Variants in LRP5 observed in about 807,000 individuals in gnomAD.
The protein encoded by LRP5 is LDL receptor related protein 5, also known as low-density lipoprotein receptor-related protein 5.
Under a neutral mutation model 154.1 loss-of-function variants are expected in LRP5, and 62 were observed. That is an observed-to-expected ratio of 0.40 (90% CI 0.33 to 0.50). The LOEUF is 0.50. Among genes scored for constraint, LRP5 ranks in the 20% least tolerant of loss-of-function variants. LRP5 has a pLI of 0.55. For synonymous variants in LRP5, 966 were observed against 1,011.5 expected, an observed-to-expected ratio of 0.96 and a Z score of 0.85; for missense variants, 1,915 against 2,336.7, an observed-to-expected ratio of 0.82 and a Z score of 3.72.
At chr11:68,328,347 A>C (rs558022437) in intron 1 of LRP5, among the ~76,000 whole-genome samples, 1 of 152,326 alleles carries the variant, frequency 6.6e-6, no homozygotes, top group South Asian at 2.1e-4. Context: ...TCAACACTTA[A>C]AGAAAATAAA....
In LRP5 at chr11:68,449,208, G is replaced by T. The variant is rs981993661; in HGVS notation, c.*138G>T. On this transcript the variant is annotated 3_prime_UTR_variant, in exon 23 of 23. Transcript: ENST00000294304. ...ACATGAGAAATGTGAACTGTGATGGGGTGGGCAGGGCTGGGAGAACTTTGT... is the reference window on the plus strand; with the variant it reads ...ACATGAGAAATGTGAACTGTGATGGTGTGGGCAGGGCTGGGAGAACTTTGT... The T allele has an allele frequency of 1.8e-6, 1 of 566,062 alleles. No individual in the cohort carries two copies. Among genetic ancestry groups the T allele is most frequent in the Non-Finnish European group, 2.8e-6 (1 of 353,034 alleles). 35.1% of individuals were successfully genotyped at this position (566,062 alleles called of 1,614,324 possible).
At chr11:68,422,710 G>A (rs915065349) in intron 13 of LRP5, among the ~76,000 whole-genome samples, 3 of 151,992 alleles carry the variant, frequency 2.0e-5, no homozygotes, top group East Asian at 3.9e-4. Context: ...CCCAAGAGGG[G>A]CTCTGAGTCA....
Position 68,409,925 on chromosome 11 carries a change from C to T in LRP5, c.2103C>T (p.Arg701=), listed in dbSNP as rs761184187. ...TCACCTGCTGCCAGACCATCAGCCG[C>T]GCCTTCATGAACGGGAGCTCGGTGG... ...WTDVSLKTIS[R]AFMNGSSVEH... is the part of the protein sequence containing the mutation. Residue 701 remains arginine, a synonymous_variant, in exon 10 of 23, where the codon CGC becomes CGT. Coordinates refer to ENST00000294304, the MANE Select transcript of LRP5 (RefSeq NM_002335.4). The T allele has an allele frequency of 2.7e-5, 44 of 1,613,474 alleles. No homozygotes were observed. Among genetic ancestry groups the T allele is most frequent in the South Asian group, 1.3e-4 (12 of 91,068 alleles).
chr11:68,350,996 A>G (rs901111960), intron 2 of LRP5, among the ~76,000 whole-genome samples: 3 of 151,814 alleles, frequency 2.0e-5, no homozygotes, highest in South Asian at 2.1e-4. Context: ...TTGTGTGTGT[A>G]TGAGTGTGCG....
At chr11:68,373,189 C>T (rs186997480) in intron 5 of LRP5, among the ~76,000 whole-genome samples, 2 of 152,334 alleles carry the variant, frequency 1.3e-5, no homozygotes, top group South Asian at 2.1e-4. Context: ...CATGGAGTTA[C>T]AGGCGAAGAC....
intron 12 of LRP5, among the ~76,000 whole-genome samples, chr11:68,414,341 T>C (rs2098661332): frequency 6.6e-6 from 1 of 152,204 alleles, no homozygotes. Context: ...AGCGCTCGTT[T>C]ACTCCTCAAG....
intron 18 of LRP5, among the ~76,000 whole-genome samples, chr11:68,434,321 C>G (rs920235193): frequency 3.3e-5 from 5 of 152,102 alleles, no homozygotes; most frequent in Admixed American, 2.0e-4. Flanking sequence ...CAGTGAAACA[C>G]ATCTCTTCTG....
At chr11:68,443,577 ATATATATATTTTTT>A (rs1369527781) in intron 21 of LRP5, among the ~76,000 whole-genome samples, 4 of 42,022 alleles carry the variant, frequency 9.5e-5, no homozygotes, top group South Asian at 1.5e-3. Flanking sequence ...ATATATATAT[ATATATATATTTTTT>A]TTTTTTTTGG....
At chr11:68,439,554 G>C (rs1379107765) in intron 20 of LRP5, among the ~76,000 whole-genome samples, 1 of 152,176 alleles carries the variant, frequency 6.6e-6, no homozygotes, top group African/African-American at 2.4e-5. Context: ...CCCCTTGGAG[G>C]AGGTACCATG....
At chr11:68,345,827 A>G (rs2098612468) in intron 1 of LRP5, among the ~76,000 whole-genome samples, 1 of 152,094 alleles carries the variant, frequency 6.6e-6, no homozygotes, top group Admixed American at 6.6e-5. Flanking sequence ...CCTCACCAAC[A>G]CTTGCTATTT....
rs560669798 is a variant in LRP5 at position 68,447,077 on chromosome 11, C to T, written c.4586+544C>T. 15 of 176,348 alleles carry T rather than the reference C, an allele frequency of 8.5e-5. No individual in the cohort carries two copies. The East Asian group carries it at 1.1e-3, about 13-fold the overall frequency. 10.9% of individuals were successfully genotyped at this position (176,348 alleles called of 1,614,324 possible). On this transcript the variant is annotated intron_variant, in intron 22 of 22. Transcript: ENST00000294304. This position sits in a 1 kb window ranked among gnomAD's most constrained non-coding sequence, Gnocchi z 4.3. ...GCTGCTCAGCTGGACACCAGCCCCC[C>T]GAGCTGCCCATGTTGGGGTCACAGG... is the stretch of plus-strand genomic sequence containing the variant.
intron 13 of LRP5, among the ~76,000 whole-genome samples, chr11:68,418,554 G>A (rs146083891): frequency 2.6e-4 from 39 of 152,314 alleles, no homozygotes; most frequent in Non-Finnish European, 4.0e-4. Flanking sequence ...CATGTCCGCC[G>A]TCGGTTTCGC....
intron 5 of LRP5, among the ~76,000 whole-genome samples, chr11:68,375,501 C>T (rs1297001286): frequency 2.0e-5 from 3 of 152,348 alleles, no homozygotes; most frequent in African/African-American, 7.2e-5. Flanking sequence ...CCCCTGCCCC[C>T]GGCCACAGCG....
chr11:68,382,861 G>C (rs1259975350), intron 5 of LRP5, among the ~76,000 whole-genome samples: 1 of 148,976 alleles, frequency 6.7e-6, no homozygotes, highest in African/African-American at 2.5e-5. Flanking sequence ...TGAAAATTGT[G>C]CTATTGTGTT....
intron 19 of LRP5, among the ~76,000 whole-genome samples, chr11:68,437,616 G>A (rs531718244): frequency 3.6e-4 from 55 of 152,394 alleles, no homozygotes; most frequent in African/African-American, 1.3e-3. Context: ...CTCCTTCGCT[G>A]CAGAGGGACC....
At chr11:68,364,362 G>A (rs908965930) in intron 4 of LRP5, among the ~76,000 whole-genome samples, 3 of 136,060 alleles carry the variant, frequency 2.2e-5, no homozygotes, top group African/African-American at 1.1e-4. Context: ...ATATATATGT[G>A]TGTGTGTGTG....
At chr11:68,408,442 T>C (rs2098656988) in intron 9 of LRP5, among the ~76,000 whole-genome samples, 1 of 151,840 alleles carries the variant, frequency 6.6e-6, no homozygotes, top group South Asian at 2.1e-4. Flanking sequence ...GTCACAAGGG[T>C]TCTTTGTAGA....
chr11:68,421,991 G>A (rs1389430418), intron 13 of LRP5, among the ~76,000 whole-genome samples: 1 of 152,094 alleles, frequency 6.6e-6, no homozygotes, highest in African/African-American at 2.4e-5. Flanking sequence ...ATGGTGATAT[G>A]AGCATAGCTC....
intron 5 of LRP5, among the ~76,000 whole-genome samples, chr11:68,377,291 C>T (rs1015670433): frequency 6.6e-6 from 1 of 152,168 alleles, no homozygotes; most frequent in Non-Finnish European, 1.5e-5. Context: ...GCTGCCCTGA[C>T]CCCAGGCAGA....
Sources: allele counts gnomAD v4.1 joint callset (sites outside exome capture counted in the v4.1 genomes callset), GRCh38; gene constraint gnomAD v4.1.1; non-coding constraint Gnocchi (gnomAD v3.1); transcripts MANE v1.5; gene names NCBI Gene and HGNC (gene_info 2026-07-23, HGNC 2026-07-21).